The following ZNF385D variants were observed in gnomAD, a reference collection of about 807,000 sequenced individuals.
ZNF385D encodes zinc finger protein 659.
In ZNF385D, 15 loss-of-function variants were observed where a neutral mutation model predicts 35.8. The ratio of observed to expected loss-of-function variants is 0.42; its 90% CI spans 0.28 to 0.64. The LOEUF (loss-of-function observed/expected upper bound fraction) is 0.64. Ranked by LOEUF, ZNF385D falls within the 30% of genes least tolerant of loss-of-function variation. The pLI is 0.23. For missense variants in ZNF385D, 474 were observed against 494.6 expected (o/e 0.96, Z 0.39); for synonymous variants, 212 against 186.8 (o/e 1.13, Z -1.10).
chr3:21,529,446 C>T (rs1338132976), intron 3 of ZNF385D, among the ~76,000 whole-genome samples: 1 of 152,082 alleles, frequency 6.6e-6, no homozygotes, highest in Admixed American at 6.6e-5. Flanking sequence ...TTTCATCCTT[C>T]TTCATTTTTC....
At chr3:22,111,971 AT>A (rs1416521422) in intron 3 of ZNF385D, among the ~76,000 whole-genome samples, 1 of 152,164 alleles carries the variant, frequency 6.6e-6, no homozygotes, top group Non-Finnish European at 1.5e-5. Flanking sequence ...TCGTTAAAAA[AT>A]AGAAAAGTCG....
chr3:21,424,375 C>T lies in ZNF385D; in HGVS notation c.853-311G>A, dbSNP rs1350415955. On this transcript the variant is annotated intron_variant, in intron 6 of 7. Coordinates refer to ENST00000281523, the MANE Select transcript of ZNF385D (RefSeq NM_024697.3). ...TGCTACCCAGGTTGAAGTGCAGTGG[C>T]GCCATCTCAGCTAAGTGCAACCTCT... Among the ~76,000 whole-genome samples the T allele has an allele frequency of 7.3e-5, 7 of 95,810 alleles. No homozygotes were observed. The South Asian group carries it at 1.2e-3, about 17-fold the overall frequency. 62.9% of individuals were successfully genotyped at this position (95,810 alleles called of 152,430 possible). A position where few individuals can be genotyped will look rare whatever the true frequency, so the allele number is the denominator to read the frequency against.
chr3:21,800,868 T>C (rs542646982), intron 3 of ZNF385D, among the ~76,000 whole-genome samples: 1 of 152,296 alleles, frequency 6.6e-6, no homozygotes, highest in Non-Finnish European at 1.5e-5. Context: ...TGTTTCTTTT[T>C]CTTGCCTAAT....
At chr3:21,705,716 C>A (rs567912895) in intron 1 of ZNF385D, among the ~76,000 whole-genome samples, 6 of 152,192 alleles carry the variant, frequency 3.9e-5, no homozygotes, top group African/African-American at 1.4e-4. Flanking sequence ...TCTCTGTGTT[C>A]CATTGCTTCT....
intron 3 of ZNF385D, among the ~76,000 whole-genome samples, chr3:21,790,661 G>A (rs1185276268): frequency 1.3e-5 from 2 of 152,168 alleles, no homozygotes; most frequent in African/African-American, 4.8e-5. Flanking sequence ...TTCATACCCA[G>A]CATATGGGAA....
intron 2 of ZNF385D, among the ~76,000 whole-genome samples, chr3:22,283,179 TACA>T (rs897077425): frequency 6.6e-6 from 1 of 151,998 alleles, no homozygotes; most frequent in African/African-American, 2.4e-5. Flanking sequence ...CTCCCAAATC[TACA>T]ACAATTACTA....
intron 1 of ZNF385D, among the ~76,000 whole-genome samples, chr3:21,700,702 G>A (rs9838582): frequency 0.011 from 1,611 of 152,258 alleles, 38 homozygotes; most frequent in African/African-American, 0.036. Context: ...CCATAGAGAG[G>A]TGTTGTAAGG....
At chr3:21,562,154 C>T (rs994772816) in intron 3 of ZNF385D, 3 of 152,060 alleles carry the variant, frequency 2.0e-5, no homozygotes, top group African/African-American at 7.2e-5. Flanking sequence ...CATATTGATG[C>T]CCATTCTACT....
chr3:22,036,264 A>G (rs1345138173), intron 3 of ZNF385D, among the ~76,000 whole-genome samples: 1 of 152,208 alleles, frequency 6.6e-6, no homozygotes, highest in Non-Finnish European at 1.5e-5. Flanking sequence ...GAACATAATC[A>G]CTTTTCCCCA....
chr3:21,787,986 A>T (rs2071771021), intron 3 of ZNF385D, among the ~76,000 whole-genome samples: 1 of 142,068 alleles, frequency 7.0e-6, no homozygotes, highest in Non-Finnish European at 1.5e-5. Context: ...AAAAAAAGAG[A>T]GAGAGAGAGC....
chr3:21,981,823 T>C lies in ZNF385D; in HGVS notation c.325+186994A>G, dbSNP rs1017968599. Among the ~76,000 whole-genome samples, 24 of 152,238 alleles carry C rather than the reference T, an allele frequency of 1.6e-4. 1 individual carries two copies. The highest frequency in any genetic ancestry group is 4.8e-4 in the African/African-American group (20 of 41,568). On this transcript the variant is annotated intron_variant, in intron 3 of 5. Transcript: ENST00000494108. ...AGCACCATTTATTGAATAAGAAGTC[T>C]TTTCACCATTACTTGTTTTTGTCAG...
chr3:22,322,616 T>C (rs893128671), intron 2 of ZNF385D, among the ~76,000 whole-genome samples: 8 of 152,226 alleles, frequency 5.3e-5, no homozygotes, highest in African/African-American at 1.9e-4. Context: ...TTTACTTTAT[T>C]ATTTAATATT....
chr3:22,075,365 T>C (rs1263312568), intron 3 of ZNF385D, among the ~76,000 whole-genome samples: 2 of 151,938 alleles, frequency 1.3e-5, no homozygotes, highest in East Asian at 3.9e-4. Flanking sequence ...CAATTCATTC[T>C]TCAATTTCAC....
At chr3:21,714,021 C>T (rs1158257146) in intron 1 of ZNF385D, among the ~76,000 whole-genome samples, 1 of 152,146 alleles carries the variant, frequency 6.6e-6, no homozygotes, top group South Asian at 2.1e-4. Flanking sequence ...AACACCCACG[C>T]ACACATCCTC....
intron 3 of ZNF385D, among the ~76,000 whole-genome samples, chr3:21,868,526 A>G (rs936158328): frequency 2.6e-5 from 4 of 152,120 alleles, no homozygotes; most frequent in African/African-American, 9.6e-5. Flanking sequence ...CCTTAATAAG[A>G]AATTCCTTCC....
chr3:21,803,730 C>G (rs1359578946), intron 3 of ZNF385D, among the ~76,000 whole-genome samples: 1 of 152,128 alleles, frequency 6.6e-6, no homozygotes, highest in Non-Finnish European at 1.5e-5. Flanking sequence ...ATTGTTTAGG[C>G]TTCCTTAAAT....
At chr3:21,975,556 T>C (rs1189079226) in intron 3 of ZNF385D, among the ~76,000 whole-genome samples, 1 of 151,974 alleles carries the variant, frequency 6.6e-6, no homozygotes, top group East Asian at 1.9e-4. Context: ...TATAATTTGG[T>C]TGTAACACAA....
At chr3:22,046,838 G>C (rs994850813) in intron 3 of ZNF385D, among the ~76,000 whole-genome samples, 5 of 152,126 alleles carry the variant, frequency 3.3e-5, no homozygotes, top group African/African-American at 9.6e-5. Context: ...TTTTATATTT[G>C]TAAAGTAAAT....
intron 2 of ZNF385D, among the ~76,000 whole-genome samples, chr3:22,255,891 T>TC (rs2125335709): frequency 6.6e-6 from 1 of 151,776 alleles, no homozygotes; most frequent in South Asian, 2.1e-4. Context: ...GTATTGATGA[T>TC]CCTGGGTGTG....
Sources: gnomAD v4.1 joint callset for allele counts (sites outside exome capture counted in the v4.1 genomes callset) on GRCh38, gnomAD v4.1.1 for gene constraint, MANE v1.5 for transcripts, NCBI Gene and HGNC (gene_info 2026-07-23, HGNC 2026-07-21) for gene names.